The following SGPL1 variants were observed in gnomAD, a reference collection of about 807,000 sequenced individuals.
SGPL1 encodes sphingosine-1-phosphate lyase 1, also known as SP-lyase 1.
A neutral mutation model predicts 68.9 loss-of-function variants in SGPL1; 37 were observed. The ratio of observed to expected loss-of-function variants is 0.54; its 90% CI spans 0.41 to 0.71. The LOEUF (loss-of-function observed/expected upper bound fraction) is 0.71. Among genes scored for constraint, SGPL1 ranks in the 30% least tolerant of loss-of-function variants. The probability of loss-of-function intolerance (pLI) is 0.00; values close to 1 mark genes in which losing one functional copy is unlikely to be tolerated. For missense variants in SGPL1, 551 were observed against 704.6 expected (o/e 0.78, Z 2.47); for synonymous variants, 236 against 248.5 (o/e 0.95, Z 0.47).
chr10:70,854,178 T>G (rs1845927063), intron 4 of SGPL1, among the ~76,000 whole-genome samples: 2 of 151,774 alleles, frequency 1.3e-5, no homozygotes, highest in African/African-American at 2.4e-5. Flanking sequence ...AACTTTTTTT[T>G]TTTTTTTTTT....
intron 2 of SGPL1, among the ~76,000 whole-genome samples, chr10:70,823,669 A>C (rs1845382254): frequency 6.7e-6 from 1 of 149,140 alleles, no homozygotes; most frequent in African/African-American, 2.4e-5. Flanking sequence ...TCAAGACAGG[A>C]AACAAAACAG....
At position 70,880,630 on chromosome 10, in the gene SGPL1, A is replaced by G. The variant is rs1163687393; in HGVS notation, c.*3295A>G. On this transcript the variant is annotated 3_prime_UTR_variant, in exon 15 of 15. Coordinates refer to ENST00000373202, the MANE Select transcript of SGPL1 (RefSeq NM_003901.4). ...TGCTGGAGATCTTATTCTATTATGA[A>G]TAAGAAACGAGAAGTTTTTCCAAAG... is the stretch of plus-strand genomic sequence containing the variant. The G allele has an allele frequency of 1.3e-5, 2 of 152,224 alleles. No homozygotes were observed. Among genetic ancestry groups the G allele is most frequent in the African/African-American group, 4.8e-5 (2 of 41,456 alleles). The allele number at this position is 152,224 out of a possible 1,614,324, so 9.4% of individuals were successfully genotyped here. A position where few individuals can be genotyped will look rare whatever the true frequency, so the allele number is the denominator to read the frequency against.
In SGPL1 at chr10:70,851,197, T is replaced by C; in HGVS notation, c.248T>C (p.Ile83Thr). The change falls in exon 4 of 15, where the codon ATT becomes ACT. Residue 83 changes from isoleucine (I) to threonine (T), a missense_variant. Transcript: ENST00000373202. ...KCFKLTRKMP[I>T]IGRKIQDKLN... ...TTTAAGCTCACCAGGAAGATGCCCA[T>C]TATTGGTCGTAAGGTAAGTAGAATC... The C allele has an allele frequency of 6.2e-7, 1 of 1,613,300 alleles. No homozygotes were observed. Among genetic ancestry groups the C allele is most frequent in the Non-Finnish European group, 8.5e-7 (1 of 1,179,258 alleles).
At chr10:70,863,379 C>T (rs898833833) in intron 7 of SGPL1, among the ~76,000 whole-genome samples, 8 of 148,938 alleles carry the variant, frequency 5.4e-5, no homozygotes, top group Non-Finnish European at 8.9e-5. Flanking sequence ...ATATATTACA[C>T]ATAAATATGT....
At chr10:70,877,118 A>G in intron 14 of SGPL1, 77 bp from the exon 15 acceptor site, 9 of 1,434,720 alleles carry the variant, frequency 6.3e-6, no homozygotes, top group Non-Finnish European at 8.8e-6. Context: ...CTCGGGGAGA[A>G]GGGGCTCATT....
In SGPL1 at chr10:70,876,539, A is replaced by G; in HGVS notation, c.1446-2A>G. 6.2e-7 allele frequency: 1 copy of G among 1,608,822 alleles called. No individual in the cohort carries two copies. The highest frequency in any genetic ancestry group is 8.5e-7 in the Non-Finnish European group (1 of 1,178,202). On this transcript the variant is annotated splice_acceptor_variant, in intron 13 of 14. Coordinates refer to ENST00000373202, the MANE Select transcript of SGPL1 (RefSeq NM_003901.4). LOFTEE classifies it high-confidence loss of function. ...CATCTCTCTCTGTCTCTTCTTTCCT[A>G]GTATTCATTTCTGCATCACATTACT...
rs1589479794 is a variant in SGPL1, at chr10:70,877,471, G to A, written c.*136G>A. 1.4e-6 allele frequency: 1 copy of A among 724,036 alleles called. No homozygotes were observed. Among genetic ancestry groups the A allele is most frequent in the Non-Finnish European group, 2.2e-6 (1 of 453,180 alleles). 44.9% of individuals were successfully genotyped at this position (724,036 alleles called of 1,614,324 possible). The stretch of plus-strand genomic sequence containing the variant: ...CAAGATAGACCATGAGACAGCTTGA[G>A]CCTCAGGATTCTTGTTCTTCCTCTT... On this transcript the variant is annotated 3_prime_UTR_variant, in exon 15 of 15. Transcript: ENST00000373202.
chr10:70,827,447 T>C (rs1845457082), intron 2 of SGPL1, among the ~76,000 whole-genome samples: 1 of 152,232 alleles, frequency 6.6e-6, no homozygotes, highest in Non-Finnish European at 1.5e-5. Flanking sequence ...TTGTTACATC[T>C]TGTAAGTTGA....
chr10:70,828,095 A>G (rs1253972249), intron 2 of SGPL1, among the ~76,000 whole-genome samples: 1 of 152,124 alleles, frequency 6.6e-6, no homozygotes, highest in Non-Finnish European at 1.5e-5. Flanking sequence ...TGCCTTCTTG[A>G]ACATGTCTTG....
At chr10:70,868,301 C>A in intron 7 of SGPL1, 44 bp from the exon 8 acceptor site, 1 of 1,358,948 alleles carries the variant, frequency 7.4e-7, no homozygotes, top group Non-Finnish European at 1.0e-6. Flanking sequence ...AGAGCCGGGG[C>A]ATTCCTGACT....
chr10:70,851,852 C>T (rs1488666206), intron 4 of SGPL1, among the ~76,000 whole-genome samples: 1 of 152,216 alleles, frequency 6.6e-6, no homozygotes, highest in East Asian at 1.9e-4. Context: ...ACTTTCTTTA[C>T]GAATTCAGGT....
intron 7 of SGPL1, among the ~76,000 whole-genome samples, chr10:70,865,205 A>G (rs1244217037): frequency 1.4e-5 from 2 of 138,212 alleles, no homozygotes; most frequent in African/African-American, 2.7e-5. Flanking sequence ...CTGCTGTTTC[A>G]CTGTTTCTTT....
intron 7 of SGPL1, among the ~76,000 whole-genome samples, chr10:70,867,472 A>C (rs1589472845): frequency 6.6e-6 from 1 of 152,072 alleles, no homozygotes; most frequent in Admixed American, 6.5e-5. Context: ...CTATGGCAGG[A>C]GAATCGCTTG....
chr10:70,819,900 A>G (rs1845309716), intron 2 of SGPL1, among the ~76,000 whole-genome samples: 1 of 152,168 alleles, frequency 6.6e-6, no homozygotes, highest in South Asian at 2.1e-4. Context: ...TGGCCTCCCA[A>G]AGTGCTGGAT....
chr10:70,847,137 T>G (rs1589458781), intron 3 of SGPL1, among the ~76,000 whole-genome samples: 1 of 151,298 alleles, frequency 6.6e-6, no homozygotes, highest in Non-Finnish European at 1.5e-5. Flanking sequence ...CATTTGAGGT[T>G]TTTTTTTTGT....
chr10:70,827,296 C>T (rs540100972), intron 2 of SGPL1, among the ~76,000 whole-genome samples: 2 of 152,216 alleles, frequency 1.3e-5, no homozygotes, highest in East Asian at 3.9e-4. Context: ...CAATGTTTAC[C>T]AACCACTTGG....
chr10:70,835,420 C>T (rs1191360849), intron 2 of SGPL1, among the ~76,000 whole-genome samples: 1 of 152,154 alleles, frequency 6.6e-6, no homozygotes, highest in Non-Finnish European at 1.5e-5. Context: ...AGTTGAGGCA[C>T]ACTGGAAACG....
chr10:70,877,447 A>C lies in SGPL1; in HGVS notation c.*112A>C. 9.3e-6 allele frequency: 9 copies of C among 967,754 alleles called. No homozygotes were observed. Among genetic ancestry groups the C allele is most frequent in the South Asian group, 1.7e-5 (1 of 59,236 alleles). 59.9% of individuals were successfully genotyped at this position (967,754 alleles called of 1,614,324 possible). ...GGTCTTGCTCCATAGAGCACAACTC[A>C]AGATAGACCATGAGACAGCTTGAGC... On this transcript the variant is annotated 3_prime_UTR_variant, in exon 15 of 15. Transcript: ENST00000373202.
At chr10:70,862,631 C>T (rs1015989651) in intron 7 of SGPL1, among the ~76,000 whole-genome samples, 3 of 152,284 alleles carry the variant, frequency 2.0e-5, no homozygotes, top group Non-Finnish European at 4.4e-5. Context: ...TGCAGCTTCA[C>T]TCCTGAAGCC....
Sources: gnomAD v4.1 joint callset for allele counts (sites outside exome capture counted in the v4.1 genomes callset) on GRCh38, gnomAD v4.1.1 for gene constraint, MANE v1.5 for transcripts, NCBI Gene and HGNC (gene_info 2026-07-23, HGNC 2026-07-21) for gene names.